PCDH15: variants seen among roughly 807,000 people sequenced by gnomAD.
The protein encoded by PCDH15 is protocadherin-15.
A neutral mutation model predicts 178.5 loss-of-function variants in PCDH15; 129 were observed. That is an observed-to-expected ratio of 0.72 (90% CI 0.63 to 0.84). The LOEUF is 0.84. PCDH15 is among the 40% of genes least tolerant of loss of function. The pLI is 0.00. For synonymous variants in PCDH15, 800 were observed against 732.0 expected, an observed-to-expected ratio of 1.09 and a Z score of -1.50; for missense variants, 2,230 against 2,099.9, an observed-to-expected ratio of 1.06 and a Z score of -1.21.
chr10:54,048,255 T>A (rs1213943880), intron 18 of PCDH15, among the ~76,000 whole-genome samples: 1 of 152,042 alleles, frequency 6.6e-6, no homozygotes, highest in Non-Finnish European at 1.5e-5. Context: ...GCCTTATTTC[T>A]TTTTTGTTTG....
chr10:55,016,039 C>A (rs915994989), intron 2 of PCDH15, among the ~76,000 whole-genome samples: 4 of 147,156 alleles, frequency 2.7e-5, no homozygotes, highest in African/African-American at 1.0e-4. Context: ...TTAAAAAGTT[C>A]TCAGCAGGCT....
intron 2 of PCDH15, among the ~76,000 whole-genome samples, chr10:55,094,418 C>A (rs1011339459): frequency 6.6e-5 from 10 of 151,962 alleles, no homozygotes; most frequent in African/African-American, 2.2e-4. Flanking sequence ...GGAGGGATAG[C>A]ATTTAGGAGG....
At chr10:54,007,910 G>A (rs1167488835) in intron 20 of PCDH15, among the ~76,000 whole-genome samples, 5 of 152,060 alleles carry the variant, frequency 3.3e-5, no homozygotes, top group African/African-American at 7.2e-5. Context: ...TCAGTACTGC[G>A]AGTAATTAGA....
Position 54,527,887 on chromosome 10 carries a change from G to A in PCDH15, c.92-10C>T, listed in dbSNP as rs202223952. Reference sequence around the variant, plus strand: ...CTAGCTAGTTTGCAATCTAAAGAGAGAAAATAACCAAAAGTAATAATTGAC... The same window carrying A: ...CTAGCTAGTTTGCAATCTAAAGAGAAAAAATAACCAAAAGTAATAATTGAC... On this transcript the variant is annotated splice_polypyrimidine_tract_variant and intron_variant, in intron 2 of 37. Coordinates refer to ENST00000644397, the MANE Select transcript of PCDH15 (RefSeq NM_001384140.1). The A allele has an allele frequency of 1.1e-4, 169 of 1,604,472 alleles. No individual in the cohort carries two copies. The highest frequency in any genetic ancestry group is 1.4e-4 in the Non-Finnish European group (166 of 1,171,934).
chr10:54,921,200 T>G (rs1591784773), intron 2 of PCDH15, among the ~76,000 whole-genome samples: 1 of 152,324 alleles, frequency 6.6e-6, no homozygotes, highest in East Asian at 1.9e-4. Flanking sequence ...TAGAGTTGAA[T>G]TTTTCAACAT....
intron 2 of PCDH15, among the ~76,000 whole-genome samples, chr10:55,450,718 T>C (rs1839415817): frequency 6.6e-6 from 1 of 152,008 alleles, no homozygotes; most frequent in African/African-American, 2.4e-5. Context: ...ACTTTCCTAG[T>C]TGTTTGATAA....
At chr10:54,165,625 C>CA (rs1564577176) in intron 13 of PCDH15, among the ~76,000 whole-genome samples, 1 of 151,984 alleles carries the variant, frequency 6.6e-6, no homozygotes, top group Non-Finnish European at 1.5e-5. Flanking sequence ...CTTACACTCT[C>CA]AAAAAAAGAT....
At chr10:54,749,174 AC>A (rs1945864966) in intron 1 of PCDH15, among the ~76,000 whole-genome samples, 4 of 152,274 alleles carry the variant, frequency 2.6e-5, no homozygotes, top group Admixed American at 1.3e-4. Flanking sequence ...TTCCACCATC[AC>A]CAAATCAGCG....
At chr10:54,125,466 C>T (rs1350567067) in intron 15 of PCDH15, among the ~76,000 whole-genome samples, 2 of 152,052 alleles carry the variant, frequency 1.3e-5, no homozygotes, top group Admixed American at 1.3e-4. Context: ...TAAATCAAGG[C>T]TTATCAAGTA....
intron 1 of PCDH15, among the ~76,000 whole-genome samples, chr10:54,681,436 G>C (rs903391450): frequency 1.3e-5 from 2 of 152,182 alleles, no homozygotes; most frequent in East Asian, 1.9e-4. Flanking sequence ...AAAAATAAAG[G>C]GTATGTGGCT....
At chr10:55,563,254 A>T (rs1343415258) in intron 2 of PCDH15, among the ~76,000 whole-genome samples, 1 of 151,914 alleles carries the variant, frequency 6.6e-6, no homozygotes. Context: ...GACTTCCAGG[A>T]GATTTAAAAG....
chr10:54,724,973 C>A (rs541893166), intron 1 of PCDH15, among the ~76,000 whole-genome samples: 2 of 151,230 alleles, frequency 1.3e-5, no homozygotes, highest in African/African-American at 4.8e-5. Flanking sequence ...CACATACATA[C>A]ATATATTTAA....
chr10:53,991,577 CT>C (rs755553379), intron 21 of PCDH15, among the ~76,000 whole-genome samples: 1 of 151,920 alleles, frequency 6.6e-6, no homozygotes, highest in Non-Finnish European at 1.5e-5. Context: ...ACTTGGAGAA[CT>C]TTTGTGTCTA....
chr10:55,485,516 G>A (rs1159593123), intron 2 of PCDH15, among the ~76,000 whole-genome samples: 1 of 151,528 alleles, frequency 6.6e-6, no homozygotes, highest in Non-Finnish European at 1.5e-5. Context: ...AACAAATATT[G>A]GCAAGAATGT....
intron 2 of PCDH15, among the ~76,000 whole-genome samples, chr10:55,448,992 T>C (rs1362243133): frequency 6.6e-6 from 1 of 152,062 alleles, no homozygotes; most frequent in Non-Finnish European, 1.5e-5. Context: ...CTAAATCTCA[T>C]ACTTTATATT....
chr10:54,309,919 A>G (rs2060798775), intron 8 of PCDH15, among the ~76,000 whole-genome samples: 1 of 152,154 alleles, frequency 6.6e-6, no homozygotes, highest in African/African-American at 2.4e-5. Flanking sequence ...TAGTAAATGA[A>G]CACACTGTAA....
intron 1 of PCDH15, among the ~76,000 whole-genome samples, chr10:55,178,312 T>A (rs1003265602): frequency 5.3e-5 from 8 of 152,114 alleles, no homozygotes; most frequent in African/African-American, 1.9e-4. Flanking sequence ...AGGCCTCTAA[T>A]CTGGGAGGGC....
chr10:54,496,954 C>T (rs2080176755), intron 3 of PCDH15, among the ~76,000 whole-genome samples: 2 of 152,040 alleles, frequency 1.3e-5, no homozygotes, highest in South Asian at 4.2e-4. Flanking sequence ...CCAAGGAACA[C>T]TTATTAACCC....
chr10:54,463,375 G>A (rs1489732634), intron 3 of PCDH15, among the ~76,000 whole-genome samples: 1 of 151,988 alleles, frequency 6.6e-6, no homozygotes, highest in Non-Finnish European at 1.5e-5. Flanking sequence ...AAAAAATAAT[G>A]GCTATTACTT....
Sources: allele counts gnomAD v4.1 joint callset (sites outside exome capture counted in the v4.1 genomes callset), GRCh38; gene constraint gnomAD v4.1.1; transcripts MANE v1.5; gene names NCBI Gene and HGNC (gene_info 2026-07-23, HGNC 2026-07-21).